H1-8: variants seen among roughly 807,000 people sequenced by gnomAD.
H1-8 encodes the protein histone H1.8.
In H1-8, 13 loss-of-function variants were observed where a neutral mutation model predicts 19.5. That is an observed-to-expected ratio of 0.67 (90% confidence interval 0.43 to 1.06). The LOEUF is 1.06. Ranked by LOEUF, H1-8 falls within the 50% of genes least tolerant of loss-of-function variation. H1-8 has a pLI of 0.00. For synonymous variants in H1-8, 193 were observed against 187.6 expected, an observed-to-expected ratio of 1.03 and a Z score of -0.24; for missense variants, 432 against 459.8, an observed-to-expected ratio of 0.94 and a Z score of 0.55.
At chr3:129,551,049 G>A in intron 4 of H1-8, 58 bp from the exon 5 acceptor site, 1 of 1,479,596 alleles carries the variant, frequency 6.8e-7, no homozygotes, top group Non-Finnish European at 9.3e-7. Flanking sequence ...GAGCCACCCA[G>A]AGCTGGGATT....
chr3:129,549,461 T>A, intron 3 of H1-8, 97 bp downstream of exon 3: 1 of 1,377,738 alleles, frequency 7.3e-7, no homozygotes, highest in Middle Eastern at 2.7e-4. Context: ...GGTTTCCTTA[T>A]CTAGTGCATG....
At chr3:129,549,729 G>A (rs558251714) in intron 3 of H1-8, among the ~76,000 whole-genome samples, 4 of 152,088 alleles carry the variant, frequency 2.6e-5, no homozygotes, top group East Asian at 3.9e-4. Flanking sequence ...CAAGGCGGGC[G>A]GATCCCTTGA....
chr3:129,549,782 C>T lies in H1-8; in HGVS notation c.742+418C>T, dbSNP rs555838481. On this transcript the variant is annotated intron_variant, in intron 3 of 4. Coordinates refer to ENST00000324382, the MANE Select transcript of H1-8 (RefSeq NM_153833.3). ...CAACCTGGTCAACATGGTGAACCCC[C>T]GTCTCTGCTAAAAATACAAAAATTA... is the stretch of plus-strand genomic sequence containing the variant. Among the ~76,000 whole-genome samples the T allele has an allele frequency of 2.0e-4, 30 of 152,106 alleles. No homozygotes were observed. The East Asian group carries it at 2.9e-3, about 15-fold the overall frequency.
chr3:129,551,153 A>AG lies in H1-8; in HGVS notation c.856dup (p.Ala286GlyfsTer5), dbSNP rs1250631998. ...CCGACCAAAAAGAAGGTGGTGGCCAAGGCCAAGGCCCCTAAAGCTGGGCAG... is the reference window on the plus strand; with the variant it reads ...CCGACCAAAAAGAAGGTGGTGGCCAAGGGCCAAGGCCCCTAAAGCTGGGCAG... On this transcript the variant is annotated frameshift_variant, in exon 5 of 5. Coordinates refer to ENST00000324382, the MANE Select transcript of H1-8 (RefSeq NM_153833.3). LOFTEE classifies it low-confidence loss of function (END_TRUNC). 1 of 1,614,088 alleles carries AG rather than the reference A, an allele frequency of 6.2e-7. No homozygotes were observed. Among genetic ancestry groups the AG allele is most frequent in the Non-Finnish European group, 8.5e-7 (1 of 1,180,040 alleles).
chr3:129,546,550 G>C (rs946243738), intron 1 of H1-8, among the ~76,000 whole-genome samples: 2 of 152,140 alleles, frequency 1.3e-5, no homozygotes, highest in Non-Finnish European at 2.9e-5. Flanking sequence ...CTTTTAAAAA[G>C]CAATTGTAAT....
At chr3:129,550,656 G>A (rs1302527383) in intron 3 of H1-8, 89 bp from the exon 4 acceptor site, 6 of 1,056,256 alleles carry the variant, frequency 5.7e-6, no homozygotes, top group Non-Finnish European at 8.8e-6. Context: ...GGACCCAGGA[G>A]GAATGGGGGT....
chr3:129,548,290 A>G lies in H1-8; in HGVS notation c.378+610A>G, dbSNP rs998991171. 6 of 981,108 alleles carry G rather than the reference A, an allele frequency of 6.1e-6. No individual in the cohort carries two copies. In the South Asian group the frequency reaches 2.4e-4, roughly 39 times the overall value. The allele number at this position is 981,108 out of a possible 1,614,324, so 60.8% of individuals were successfully genotyped here. ...CCATGGAATGCTGGGGAACATTCTC[A>G]GCCTACCCCAAGCCGGTCCCTGTGG... On this transcript the variant is annotated intron_variant, in intron 2 of 4. Transcript: ENST00000324382.
chr3:129,548,295 AC>A, intron 2 of H1-8: 1 of 983,138 alleles, frequency 1.0e-6, no homozygotes, highest in African/African-American at 1.7e-5. Flanking sequence ...TTCTCAGCCT[AC>A]CCCAAGCCGG....
chr3:129,545,883 C>T (rs1334979377), intron 1 of H1-8, among the ~76,000 whole-genome samples: 1 of 152,144 alleles, frequency 6.6e-6, no homozygotes. Context: ...ATGAATAGTG[C>T]TGCTATGAAC....
intron 4 of H1-8, 55 bp from the exon 5 acceptor site, chr3:129,551,052 C>A: frequency 6.7e-7 from 1 of 1,501,304 alleles, no homozygotes; most frequent in South Asian, 1.2e-5. Flanking sequence ...CCACCCAGAG[C>A]TGGGATTTCA....
rs1470036483 is a variant in H1-8 at position 129,547,518 on chromosome 3, G to A, written c.216G>A (p.Thr72=). The change falls in exon 2 of 5, where the codon ACG becomes ACA. Residue 72 remains threonine, a synonymous_variant. Transcript: ENST00000324382. ...ALQAGEQRRG[T]SVAAIKLYIL... Reference sequence around the variant, plus strand: ...AGGCTGGGGAGCAGCGCCGGGGCACGTCGGTGGCAGCTATCAAGCTCTACA... The same window carrying A: ...AGGCTGGGGAGCAGCGCCGGGGCACATCGGTGGCAGCTATCAAGCTCTACA... 3.8e-6 allele frequency: 6 copies of A among 1,574,746 alleles called. No homozygotes were observed. In the Admixed American group the frequency reaches 5.5e-5, roughly 14 times the overall value.
intron 3 of H1-8, among the ~76,000 whole-genome samples, chr3:129,549,649 G>C (rs1032484040): frequency 7.2e-5 from 11 of 151,998 alleles, no homozygotes; most frequent in African/African-American, 2.4e-4. Flanking sequence ...AGGCCTGGAG[G>C]CATAAAGAAG....
At chr3:129,547,708 C>T in intron 2 of H1-8, 28 bp downstream of exon 2, 1 of 1,516,934 alleles carries the variant, frequency 6.6e-7, no homozygotes, top group Non-Finnish European at 8.8e-7. Context: ...AGGACATAGC[C>T]CAGGGTTGGA....
chr3:129,544,079 T>G (rs2084870593), intron 1 of H1-8, among the ~76,000 whole-genome samples: 1 of 152,030 alleles, frequency 6.6e-6, no homozygotes, highest in Non-Finnish European at 1.5e-5. Context: ...ATTTTGAGCC[T>G]TGAAGGATGA....
Position 129,548,987 on chromosome 3 carries a change from G to A in H1-8, c.379-14G>A, listed in dbSNP as rs141826260. ...GAGGCTCTGCTTTCAGCCCCACCCC[G>A]TGTCCTTCTCCAGTTAGTTCCCAAG... On this transcript the variant is annotated splice_polypyrimidine_tract_variant and intron_variant, in intron 2 of 4. Coordinates refer to ENST00000324382, the MANE Select transcript of H1-8 (RefSeq NM_153833.3). The A allele has an allele frequency of 2.6e-5, 41 of 1,591,642 alleles. No homozygotes were observed. In the African/African-American group the frequency reaches 2.8e-4, roughly 11 times the overall value.
At position 129,549,231 on chromosome 3, in the gene H1-8, G is replaced by T. The variant is rs192410545; in HGVS notation, c.609G>T (p.Ala203=). ...AGAAGGCTCGCAAGCAAGGCGGCGC[G>T]GCCAAGGACACCAGGGCACAGTCGG... ...ATEKARKQGG[A]AKDTRAQSGE... The change falls in exon 3 of 5, where the codon GCG becomes GCT. Residue 203 remains alanine (A), a synonymous_variant. Coordinates refer to ENST00000324382, the MANE Select transcript of H1-8 (RefSeq NM_153833.3). 6.3e-7 allele frequency: 1 copy of T among 1,584,386 alleles called. No homozygotes were observed. Among genetic ancestry groups the T allele is most frequent in the Non-Finnish European group, 8.6e-7 (1 of 1,165,794 alleles).
intron 1 of H1-8, 29 bp from the exon 2 acceptor site, chr3:129,547,362 C>A (rs764611299): frequency 6.8e-7 from 1 of 1,467,424 alleles, no homozygotes; most frequent in Non-Finnish European, 9.0e-7. Flanking sequence ...TGACTGGGCC[C>A]CGGGTGATGG....
chr3:129,551,035 C>T (rs1006986224), intron 4 of H1-8, 72 bp from the exon 5 acceptor site: 9 of 1,388,296 alleles, frequency 6.5e-6, no homozygotes, highest in Non-Finnish European at 9.0e-6. Flanking sequence ...ATGTTGTGTA[C>T]CCAGAGCCAC....
rs532892906 is a variant in H1-8, at chr3:129,551,379, C to G, written c.*39C>G. ...GGCGGAGAGAGACCGAGCCTCTGCC[C>G]TAGTTTTTATTCTTCAACTAACCAC... On this transcript the variant is annotated 3_prime_UTR_variant, in exon 5 of 5. Coordinates refer to ENST00000324382, the MANE Select transcript of H1-8 (RefSeq NM_153833.3). 35 of 1,337,268 alleles carry G rather than the reference C, an allele frequency of 2.6e-5. No homozygotes were observed. The African/African-American group carries it at 4.9e-4, about 19-fold the overall frequency. 82.8% of individuals were successfully genotyped at this position (1,337,268 alleles called of 1,614,324 possible).
Sources: gnomAD v4.1 joint callset for allele counts (sites outside exome capture counted in the v4.1 genomes callset) on GRCh38, gnomAD v4.1.1 for gene constraint, MANE v1.5 for transcripts, NCBI Gene and HGNC (gene_info 2026-07-23, HGNC 2026-07-21) for gene names.